The following BTF3L4 variants were observed in gnomAD, a reference collection of about 807,000 sequenced individuals.
The protein encoded by BTF3L4 is basic transcription factor 3 like 4.
BTF3L4 carries 6 observed loss-of-function variants against 16.8 expected under a neutral mutation model. That is an observed-to-expected ratio of 0.36 (90% CI 0.20 to 0.71). BTF3L4 has a LOEUF of 0.71. Ranked by LOEUF, BTF3L4 falls within the 30% of genes least tolerant of loss-of-function variation. The probability of loss-of-function intolerance (pLI) is 0.58; values close to 1 mark genes in which losing one functional copy is unlikely to be tolerated. For synonymous variants in BTF3L4, 39 were observed against 59.8 expected, an observed-to-expected ratio of 0.65 and a Z score of 1.60; for missense variants, 92 against 186.9, an observed-to-expected ratio of 0.49 and a Z score of 2.96.
At chr1:52,059,684 A>C (rs1686460038) in intron 1 of BTF3L4, among the ~76,000 whole-genome samples, 151 bp from the exon 2 acceptor site, 1 of 152,242 alleles carries the variant, frequency 6.6e-6, no homozygotes, top group East Asian at 1.9e-4. Context: ...AGAACAAGTT[A>C]TTAATGTTTA....
intron 3 of BTF3L4, among the ~76,000 whole-genome samples, chr1:52,075,950 C>T (rs1282099434): frequency 6.6e-6 from 1 of 152,184 alleles, no homozygotes; most frequent in Non-Finnish European, 1.5e-5. Flanking sequence ...CAGGAGTGAG[C>T]CACTGTGCTC....
chr1:52,065,759 C>T (rs917051710), intron 3 of BTF3L4, among the ~76,000 whole-genome samples: 1 of 151,974 alleles, frequency 6.6e-6, no homozygotes, highest in African/African-American at 2.4e-5. Context: ...ATTAGTCAGC[C>T]GGGTGCAGTG....
intron 2 of BTF3L4, among the ~76,000 whole-genome samples, chr1:52,064,259 A>AC (rs1422094610): frequency 6.6e-6 from 1 of 152,174 alleles, no homozygotes; most frequent in African/African-American, 2.4e-5. Flanking sequence ...CTAATAAAGT[A>AC]TTGCTTTGCC....
At chr1:52,080,647 C>A (rs1051094040) in intron 3 of BTF3L4, among the ~76,000 whole-genome samples, 1 of 146,606 alleles carries the variant, frequency 6.8e-6, no homozygotes, top group African/African-American at 2.5e-5. Flanking sequence ...AATTCTCCTG[C>A]CTCAGCCTCC....
intron 3 of BTF3L4, among the ~76,000 whole-genome samples, chr1:52,081,998 A>T (rs1294819818): frequency 1.3e-5 from 2 of 152,156 alleles, no homozygotes; most frequent in African/African-American, 2.4e-5. Flanking sequence ...CTTGATTTTG[A>T]CAGGGCAGAT....
rs537502505 is a variant in BTF3L4 at position 52,079,726 on chromosome 1, C to T, written c.169-3614C>T. On this transcript the variant is annotated intron_variant, in intron 3 of 5. Coordinates refer to ENST00000313334, the MANE Select transcript of BTF3L4 (RefSeq NM_152265.5). ...TTATTGTTTTTGGCTCCATGTTAGC[C>T]TCTTGTTTTGTAGCCAATAAGATAC... 3.9e-5 allele frequency among the ~76,000 whole-genome samples: 6 copies of T among 152,146 alleles called. No homozygotes were observed. In the East Asian group the frequency reaches 1.2e-3, roughly 29 times the overall value.
Position 52,086,155 on chromosome 1 carries a change from A to C in BTF3L4, c.414A>C (p.Glu138Asp). 6.2e-7 allele frequency: 1 copy of C among 1,611,340 alleles called. No individual in the cohort carries two copies. Among genetic ancestry groups the C allele is most frequent in the Non-Finnish European group, 8.5e-7 (1 of 1,178,790 alleles). The change falls in exon 5 of 6, where the codon GAA becomes GAC. Residue 138 changes from glutamate (E) to aspartate (D), a missense_variant. Transcript: ENST00000313334. ...KAPKPEDIDE[E>D]DDDVPDLVEN... ...CAAAACCAGAAGACATTGATGAGGA[A>C]GATGATGATGTTCCAGGTAAGTGAC...
chr1:52,075,984 G>A (rs1392675196), intron 3 of BTF3L4, among the ~76,000 whole-genome samples: 2 of 152,160 alleles, frequency 1.3e-5, no homozygotes, highest in Non-Finnish European at 2.9e-5. Context: ...TCTTGAAAGT[G>A]TAGTTACTGG....
intron 4 of BTF3L4, among the ~76,000 whole-genome samples, chr1:52,085,080 G>A (rs1174715869): frequency 1.4e-5 from 2 of 139,370 alleles, no homozygotes; most frequent in Admixed American, 7.6e-5. Context: ...GAGTGCAGTG[G>A]CATGATCTTG....
intron 3 of BTF3L4, among the ~76,000 whole-genome samples, chr1:52,068,290 G>T (rs1221589346): frequency 6.6e-6 from 1 of 152,168 alleles, no homozygotes; most frequent in Admixed American, 6.5e-5. Context: ...GATAGTCAAC[G>T]TTTATTAAAC....
rs572874910 is a variant in BTF3L4, at chr1:52,081,167, C to A, written c.169-2173C>A. ...CTTTTATTTTTTTGAGAAAGAGCTTCACTCTTGTCGCCCAGGCTGGAGTGA... is the reference window on the plus strand; with the variant it reads ...CTTTTATTTTTTTGAGAAAGAGCTTAACTCTTGTCGCCCAGGCTGGAGTGA... On this transcript the variant is annotated intron_variant, in intron 3 of 5. Transcript: ENST00000313334. Among the ~76,000 whole-genome samples the A allele has an allele frequency of 3.3e-5, 5 of 150,446 alleles. No individual in the cohort carries two copies. In the East Asian group the frequency reaches 1.0e-3, roughly 30 times the overall value.
At chr1:52,060,440 A>G (rs769747402) in intron 2 of BTF3L4, 5 of 1,263,300 alleles carry the variant, frequency 4.0e-6, no homozygotes, top group East Asian at 5.7e-5. Flanking sequence ...TTTCCTCACA[A>G]ATTCTTACCT....
Position 52,083,396 on chromosome 1 carries a change from A to G in BTF3L4, c.225A>G (p.Gln75=), listed in dbSNP as rs1453333506. Residue 75 remains glutamine, a synonymous_variant, in exon 4 of 6, where the codon CAA becomes CAG. Coordinates refer to ENST00000313334, the MANE Select transcript of BTF3L4 (RefSeq NM_152265.5). ...TTCATTTCAACAATCCCAAAGTCCA[A>G]GCTTCCCTTTCTGCTAATACCTTTG... The part of the protein sequence containing the change: ...TVIHFNNPKV[Q]ASLSANTFAI... 8 of 1,612,744 alleles carry G rather than the reference A, an allele frequency of 5.0e-6. No individual in the cohort carries two copies. The African/African-American group carries it at 5.3e-5, about 11-fold the overall frequency.
chr1:52,075,183 C>T (rs927293335), intron 3 of BTF3L4, among the ~76,000 whole-genome samples: 3 of 151,942 alleles, frequency 2.0e-5, no homozygotes, highest in Non-Finnish European at 2.9e-5. Flanking sequence ...TGTAATTTAA[C>T]ACTTTTTAAT....
Position 52,087,903 on chromosome 1 carries a change from G to A in BTF3L4, c.*1145G>A, listed in dbSNP as rs375325485. The A allele has an allele frequency of 1.4e-4, 21 of 152,654 alleles. 1 individual carries two copies. Among genetic ancestry groups the A allele is most frequent in the African/African-American group, 5.1e-4 (21 of 41,550 alleles). 9.5% of individuals were successfully genotyped at this position (152,654 alleles called of 1,614,324 possible). A position where few individuals can be genotyped will look rare whatever the true frequency, so the allele number is the denominator to read the frequency against. On this transcript the variant is annotated 3_prime_UTR_variant, in exon 6 of 6. Transcript: ENST00000313334. ...CTCTTGGCCTTGAACCTACCTCTGG[G>A]TTGGATCTTACTATTGTAGCTGCTC...
At position 52,089,830 on chromosome 1, in the gene BTF3L4, C is replaced by T. The variant is rs1213015865; in HGVS notation, c.*3072C>T. ...AATGGTTTAAGAATATATCAAGCAC[C>T]TTAATTTGTTGTTAAGTAGCTAGTG... On this transcript the variant is annotated 3_prime_UTR_variant, in exon 6 of 6. Transcript: ENST00000313334. 1.3e-5 allele frequency: 2 copies of T among 152,002 alleles called. No individual in the cohort carries two copies. The highest frequency in any genetic ancestry group is 4.8e-5 in the African/African-American group (2 of 41,392). The allele number at this position is 152,002 out of a possible 1,614,324, so 9.4% of individuals were successfully genotyped here.
At chr1:52,080,147 C>T (rs991862181) in intron 3 of BTF3L4, among the ~76,000 whole-genome samples, 3 of 152,130 alleles carry the variant, frequency 2.0e-5, no homozygotes, top group Admixed American at 1.3e-4. Flanking sequence ...GCTGGAATTA[C>T]AGGCATGAGC....
Position 52,064,834 on chromosome 1 carries a change from C to T in BTF3L4, c.64C>T (p.Arg22Cys). The change falls in exon 3 of 6, where the codon CGC becomes TGC. Residue 22 changes from arginine to cysteine, a missense_variant. Arg to Cys is a radical substitution (Grantham distance 180). Transcript: ENST00000313334. The part of the protein sequence containing the change: ...QVRIGGKGTA[R>C]RKKKVVHRTA... Reference sequence around the variant, plus strand: ...TTTGGTTATTTTTCAGGGTACAGCTCGCAGAAAGAAGAAGGTGGTACATAG... The same window carrying T: ...TTTGGTTATTTTTCAGGGTACAGCTTGCAGAAAGAAGAAGGTGGTACATAG... 1.9e-6 allele frequency: 3 copies of T among 1,607,568 alleles called. No homozygotes were observed. Among genetic ancestry groups the T allele is most frequent in the African/African-American group, 1.3e-5 (1 of 74,672 alleles).
intron 3 of BTF3L4, among the ~76,000 whole-genome samples, chr1:52,081,851 C>T (rs565549466): frequency 5.9e-5 from 9 of 152,164 alleles, no homozygotes; most frequent in Non-Finnish European, 1.3e-4. Context: ...CCTTTATTTT[C>T]TCTGTGTTCC....
Sources: gnomAD v4.1 joint callset for allele counts (sites outside exome capture counted in the v4.1 genomes callset) on GRCh38, gnomAD v4.1.1 for gene constraint, MANE v1.5 for transcripts, NCBI Gene and HGNC (gene_info 2026-07-23, HGNC 2026-07-21) for gene names.